DDAH1: variants seen among roughly 807,000 people sequenced by gnomAD.
DDAH1 encodes N(G),N(G)-dimethylarginine dimethylaminohydrolase 1.
Under a neutral mutation model 28.8 loss-of-function variants are expected in DDAH1, and 19 were observed. The ratio of observed to expected loss-of-function variants is 0.66; its 90% CI spans 0.46 to 0.97. The LOEUF is 0.97. Ranked by LOEUF, DDAH1 falls within the 50% of genes least tolerant of loss-of-function variation. The probability of loss-of-function intolerance (pLI) is 0.00; values close to 1 mark genes in which losing one functional copy is unlikely to be tolerated. For missense variants in DDAH1, 326 were observed against 375.9 expected (o/e 0.87, Z 1.10); for synonymous variants, 153 against 154.4 (o/e 0.99, Z 0.07).
intron 2 of DDAH1, among the ~76,000 whole-genome samples, chr1:85,473,185 A>G (rs911141475): frequency 1.3e-5 from 2 of 152,190 alleles, no homozygotes; most frequent in African/African-American, 4.8e-5. Context: ...TGATAAATAT[A>G]TGAGTGACAG....
intron 1 of DDAH1, among the ~76,000 whole-genome samples, chr1:85,462,957 C>T (rs1655192621): frequency 6.6e-6 from 1 of 152,238 alleles, no homozygotes. Context: ...CATCAAATGT[C>T]CTGTCCTGTG....
chr1:85,397,973 G>C (rs894160526), intron 1 of DDAH1, among the ~76,000 whole-genome samples: 1 of 146,558 alleles, frequency 6.8e-6, no homozygotes, highest in Admixed American at 7.1e-5. Context: ...CTGCAGAGCT[G>C]TAAGCCAAAT....
intron 1 of DDAH1, among the ~76,000 whole-genome samples, chr1:85,556,769 C>G (rs1658982105): frequency 6.6e-6 from 1 of 152,198 alleles, no homozygotes; most frequent in Non-Finnish European, 1.5e-5. Flanking sequence ...ATCAAACATG[C>G]TTTGACTGTT....
intron 1 of DDAH1, among the ~76,000 whole-genome samples, chr1:85,497,031 G>GA (rs1186803362): frequency 1.3e-5 from 2 of 152,002 alleles, no homozygotes; most frequent in African/African-American, 2.4e-5. Flanking sequence ...ATTCAAAACA[G>GA]AAAAAAATAA....
intron 1 of DDAH1, among the ~76,000 whole-genome samples, chr1:85,442,786 T>C (rs1654261397): frequency 6.6e-6 from 1 of 152,234 alleles, no homozygotes; most frequent in Admixed American, 6.5e-5. Context: ...CCAGTGATGA[T>C]GAGCATTTTT....
At chr1:85,386,742 C>T (rs1651283033) in intron 1 of DDAH1, among the ~76,000 whole-genome samples, 2 of 152,200 alleles carry the variant, frequency 1.3e-5, no homozygotes, top group Non-Finnish European at 2.9e-5. Flanking sequence ...CCCTGCCACA[C>T]TGCCCTAGTA....
intron 1 of DDAH1, among the ~76,000 whole-genome samples, chr1:85,451,950 GTATCAC>G (rs1654685983): frequency 6.6e-6 from 1 of 152,190 alleles, no homozygotes; most frequent in Non-Finnish European, 1.5e-5. Context: ...ACAAATGAGT[GTATCAC>G]TTCAAAGTGT....
intron 4 of DDAH1, among the ~76,000 whole-genome samples, chr1:85,338,578 C>T (rs1363356881): frequency 6.6e-6 from 1 of 152,206 alleles, no homozygotes; most frequent in East Asian, 1.9e-4. Context: ...AGCCAGTGTT[C>T]TCACAGCGTA....
chr1:85,563,878 A>G lies in DDAH1; in HGVS notation c.-123+14106T>C, dbSNP rs533535443. On this transcript the variant is annotated intron_variant, in intron 1 of 6. Transcript: ENST00000426972. ...CCCAAGTCAAGCTTCTAGAGTTAAA[A>G]CTACAATGTCTAGAGCTGGGCGTGA... 3.1e-3 allele frequency among the ~76,000 whole-genome samples: 468 copies of G among 152,356 alleles called. 1 individual carries two copies. Among genetic ancestry groups the G allele is most frequent in the Middle Eastern group, 0.01 (3 of 294 alleles).
intron 1 of DDAH1, among the ~76,000 whole-genome samples, chr1:85,405,983 A>T (rs371167273): frequency 1.3e-5 from 2 of 152,360 alleles, no homozygotes; most frequent in African/African-American, 4.8e-5. Flanking sequence ...ACAGTTTTAA[A>T]GAAGCTAAGA....
At chr1:85,422,650 G>C (rs1037184122) in intron 1 of DDAH1, among the ~76,000 whole-genome samples, 23 of 152,158 alleles carry the variant, frequency 1.5e-4, no homozygotes, top group African/African-American at 5.6e-4. Context: ...TTGTTGAAAA[G>C]ATCCTTTTGC....
intron 1 of DDAH1, among the ~76,000 whole-genome samples, chr1:85,445,416 C>T (rs938984032): frequency 6.6e-6 from 1 of 152,094 alleles, no homozygotes; most frequent in African/African-American, 2.4e-5. Flanking sequence ...CAATACTAGA[C>T]AGTGCCTTAA....
rs10687915 is a variant in DDAH1 at position 85,515,225 on chromosome 1, TA to T, written c.-122-18945del. 5.0e-3 allele frequency among the ~76,000 whole-genome samples: 741 copies of T among 148,524 alleles called. 3 individuals are homozygous for T. Among genetic ancestry groups the T allele is most frequent in the African/African-American group, 0.016 (660 of 40,258 alleles). On this transcript the variant is annotated intron_variant, in intron 1 of 6. Transcript: ENST00000426972. The stretch of plus-strand genomic sequence containing the variant: ...GCCAACATGGTGAAACCTTGTCTCT[TA>T]AAAAAAAAAAATTACGAGTGTTTTT...
intron 1 of DDAH1, among the ~76,000 whole-genome samples, chr1:85,362,591 A>G (rs1347453433): frequency 6.6e-6 from 1 of 152,178 alleles, no homozygotes; most frequent in Non-Finnish European, 1.5e-5. Context: ...ACCAGGGATT[A>G]GAATAAAGTC....
chr1:85,445,172 A>T (rs961495484), intron 1 of DDAH1, among the ~76,000 whole-genome samples: 3 of 152,114 alleles, frequency 2.0e-5, no homozygotes, highest in Admixed American at 1.3e-4. Flanking sequence ...TTAAATGTTA[A>T]TCTCCTTTGA....
At chr1:85,449,097 G>A (rs1654556603) in intron 1 of DDAH1, among the ~76,000 whole-genome samples, 1 of 152,124 alleles carries the variant, frequency 6.6e-6, no homozygotes, top group South Asian at 2.1e-4. Context: ...CAGTAAAATG[G>A]CCCAATAGCA....
chr1:85,551,377 A>G (rs1658785082), intron 1 of DDAH1, among the ~76,000 whole-genome samples: 1 of 152,222 alleles, frequency 6.6e-6, no homozygotes, highest in African/African-American at 2.4e-5. Flanking sequence ...CTAATTTCCC[A>G]GATTACTTCG....
At chr1:85,508,265 C>T (rs970412173) in intron 1 of DDAH1, among the ~76,000 whole-genome samples, 7 of 152,212 alleles carry the variant, frequency 4.6e-5, no homozygotes, top group Non-Finnish European at 1.0e-4. Flanking sequence ...ATTATCACTC[C>T]TTCATTGGCA....
intron 1 of DDAH1, among the ~76,000 whole-genome samples, chr1:85,430,739 T>C (rs1368146470): frequency 3.3e-5 from 5 of 152,196 alleles, no homozygotes. Flanking sequence ...GCATGTTGAT[T>C]TTGTATCCTG....
Sources: allele counts gnomAD v4.1 joint callset (sites outside exome capture counted in the v4.1 genomes callset), GRCh38; gene constraint gnomAD v4.1.1; transcripts MANE v1.5; gene names NCBI Gene and HGNC (gene_info 2026-07-23, HGNC 2026-07-21).